The following EYS variants were observed in gnomAD, a reference collection of about 807,000 sequenced individuals.
The protein encoded by EYS is EGF-like photoreceptor maintenance factor.
In EYS, 250 loss-of-function variants were observed where a neutral mutation model predicts 282.1. The observed-to-expected ratio is 0.89, with a 90% confidence interval of 0.80 to 0.98. The LOEUF (loss-of-function observed/expected upper bound fraction) is 0.98, where lower values mean the gene tolerates loss of function less well. Ranked by LOEUF, EYS falls within the 50% of genes least tolerant of loss-of-function variation. The probability of loss-of-function intolerance (pLI) is 0.00; values close to 1 mark genes in which losing one functional copy is unlikely to be tolerated. For synonymous variants in EYS, 1,355 were observed against 1,282.9 expected, an observed-to-expected ratio of 1.06 and a Z score of -1.20; for missense variants, 4,016 against 3,709.0, an observed-to-expected ratio of 1.08 and a Z score of -2.15.
intron 1 of EYS, among the ~76,000 whole-genome samples, chr6:65,677,069 A>G (rs1400985794): frequency 6.7e-6 from 1 of 150,272 alleles, no homozygotes; most frequent in Non-Finnish European, 1.5e-5. Flanking sequence ...TGAAGGTAAA[A>G]TATGTAAAGC....
intron 24 of EYS, among the ~76,000 whole-genome samples, chr6:64,616,376 G>T (rs1767275814): frequency 6.6e-6 from 1 of 151,900 alleles, no homozygotes; most frequent in Non-Finnish European, 1.5e-5. Context: ...TTTTCCTAGG[G>T]CAAATCCAAA....
At chr6:65,383,752 T>C (rs1388548507) in intron 8 of EYS, among the ~76,000 whole-genome samples, 1 of 151,892 alleles carries the variant, frequency 6.6e-6, no homozygotes, top group Non-Finnish European at 1.5e-5. Context: ...TTGTAAGTAT[T>C]AATACATATA....
intron 1 of EYS, among the ~76,000 whole-genome samples, chr6:65,669,923 T>G (rs2149831825): frequency 6.6e-6 from 1 of 152,152 alleles, no homozygotes; most frequent in African/African-American, 2.4e-5. Flanking sequence ...TAACATATAC[T>G]TGTGATAGCA....
chr6:65,042,319 CCT>C (rs1772962459), intron 13 of EYS, among the ~76,000 whole-genome samples: 1 of 151,180 alleles, frequency 6.6e-6, no homozygotes. Context: ...ATAATCTATA[CCT>C]CGGTTGGATT....
chr6:63,793,272 A>T (rs553026070), intron 37 of EYS, among the ~76,000 whole-genome samples: 1 of 152,346 alleles, frequency 6.6e-6, no homozygotes, highest in African/African-American at 2.4e-5. Flanking sequence ...GAAGTCCACA[A>T]TTCCTTTTCC....
chr6:64,244,492 G>A (rs1235017125), intron 30 of EYS, among the ~76,000 whole-genome samples: 1 of 152,036 alleles, frequency 6.6e-6, no homozygotes, highest in African/African-American at 2.4e-5. Context: ...ATAAAGAATC[G>A]TTTTTATTCA....
intron 35 of EYS, among the ~76,000 whole-genome samples, chr6:63,911,465 G>C (rs1451563946): frequency 2.6e-5 from 4 of 152,102 alleles, no homozygotes; most frequent in African/African-American, 9.7e-5. Flanking sequence ...AGAACAGATT[G>C]GTTCTGTATT....
At chr6:63,955,796 T>C (rs1336797620) in intron 35 of EYS, among the ~76,000 whole-genome samples, 1 of 152,200 alleles carries the variant, frequency 6.6e-6, no homozygotes, top group Non-Finnish European at 1.5e-5. Context: ...TTGGGTGCTC[T>C]CTAATAGGAT....
intron 22 of EYS, among the ~76,000 whole-genome samples, chr6:64,685,063 CA>C (rs1271975278): frequency 6.6e-6 from 1 of 151,650 alleles, no homozygotes; most frequent in African/African-American, 2.4e-5. Context: ...ATGTTGAAAG[CA>C]AAGGTAAAAG....
chr6:63,970,347 T>C (rs927825650), intron 35 of EYS, among the ~76,000 whole-genome samples: 3 of 152,138 alleles, frequency 2.0e-5, no homozygotes, highest in Non-Finnish European at 4.4e-5. Flanking sequence ...AGAAGATCTG[T>C]GGGATGGGTC....
chr6:64,762,656 T>C (rs1053200835), intron 22 of EYS, among the ~76,000 whole-genome samples: 6 of 151,996 alleles, frequency 3.9e-5, no homozygotes, highest in Non-Finnish European at 8.8e-5. Context: ...TTTTACATCA[T>C]GTTGGAGAAT....
chr6:65,278,394 T>TTA (rs569989603), intron 12 of EYS, among the ~76,000 whole-genome samples: 3,106 of 143,738 alleles, frequency 0.022, 112 homozygotes, highest in African/African-American at 0.073. Flanking sequence ...GAAATGTATT[T>TTA]TATATATATA....
At chr6:65,200,674 C>A (rs1205485088) in intron 12 of EYS, among the ~76,000 whole-genome samples, 17 of 148,470 alleles carry the variant, frequency 1.1e-4, no homozygotes, top group Admixed American at 1.1e-3. Flanking sequence ...TTATTGAACA[C>A]TTTTTACTTT....
intron 22 of EYS, among the ~76,000 whole-genome samples, chr6:64,751,137 C>T (rs1772734503): frequency 6.6e-6 from 1 of 152,178 alleles, no homozygotes; most frequent in South Asian, 2.1e-4. Flanking sequence ...GTTGCCCCTC[C>T]CTTCCCATGC....
Position 64,230,801 on chromosome 6 carries a change from G to A in EYS, c.6215C>T (p.Pro2072Leu). The change falls in exon 31 of 43, where the codon CCA becomes CTA. Residue 2072 changes from proline to leucine, a missense_variant. Physicochemically the swap from Pro to Leu is moderately conservative, Grantham distance 98 (BLOSUM62 -3). Coordinates refer to ENST00000503581, the MANE Select transcript of EYS (RefSeq NM_001142800.2). ...NCRSQGFMLS[P>L]TASFVDASDV... ...AGAAGCATCAACAAAGGAGGCTGTT[G>A]GAGACAGCATAAATCCCTGGGATCT... 1 of 1,548,998 alleles carries A rather than the reference G, an allele frequency of 6.5e-7. No homozygotes were observed. The highest frequency in any genetic ancestry group is 8.7e-7 in the Non-Finnish European group (1 of 1,145,040).
At chr6:64,621,492 C>T (rs1281662993) in intron 23 of EYS, among the ~76,000 whole-genome samples, 1 of 152,070 alleles carries the variant, frequency 6.6e-6, no homozygotes, top group Non-Finnish European at 1.5e-5. Flanking sequence ...TTTACATGTA[C>T]ACCCTCATGA....
At chr6:64,967,245 T>G (rs1183377565) in intron 14 of EYS, among the ~76,000 whole-genome samples, 1 of 152,164 alleles carries the variant, frequency 6.6e-6, no homozygotes, top group Non-Finnish European at 1.5e-5. Context: ...AGAAAGACTC[T>G]GCTTATTTTT....
chr6:63,725,038 AAAT>A (rs1189214657), intron 42 of EYS, among the ~76,000 whole-genome samples: 2 of 152,134 alleles, frequency 1.3e-5, no homozygotes, highest in Non-Finnish European at 2.9e-5. Flanking sequence ...GATTACTAAA[AAAT>A]AAGTTTATGC....
intron 11 of EYS, among the ~76,000 whole-genome samples, chr6:65,327,427 T>C (rs1488613875): frequency 6.6e-6 from 1 of 151,214 alleles, no homozygotes; most frequent in East Asian, 1.9e-4. Flanking sequence ...ATTTATTTTG[T>C]GGTTTGTGAT....
Sources: gnomAD v4.1 joint callset for allele counts (sites outside exome capture counted in the v4.1 genomes callset) on GRCh38, gnomAD v4.1.1 for gene constraint, MANE v1.5 for transcripts, NCBI Gene and HGNC (gene_info 2026-07-23, HGNC 2026-07-21) for gene names.